The following TMEM108 variants were observed in gnomAD, a reference collection of about 807,000 sequenced individuals.
TMEM108 encodes the protein transmembrane protein 108, also known as cancer/testis antigen 124.
A neutral mutation model predicts 35.1 loss-of-function variants in TMEM108; 12 were observed. The observed-to-expected ratio is 0.34, with a 90% CI of 0.22 to 0.55. The LOEUF (loss-of-function observed/expected upper bound fraction) is 0.55. Among genes scored for constraint, TMEM108 ranks in the 20% least tolerant of loss-of-function variants. TMEM108 has a pLI of 0.89. For synonymous variants in TMEM108, 287 were observed against 308.6 expected (o/e 0.93, Z 0.73); for missense variants, 680 against 753.3 (o/e 0.90, Z 1.14).
At position 133,309,599 on chromosome 3, in the gene TMEM108, AC is replaced by A. The variant is rs376777420; in HGVS notation, c.41-70151del. 8.0e-3 allele frequency among the ~76,000 whole-genome samples: 1,075 copies of A among 133,776 alleles called. 15 individuals are homozygous for A. Among genetic ancestry groups the A allele is most frequent in the African/African-American group, 0.029 (1,026 of 35,344 alleles). 87.8% of individuals were successfully genotyped at this position (133,776 alleles called of 152,430 possible). A position where few individuals can be genotyped will look rare whatever the true frequency, so the allele number is the denominator to read the frequency against. ...TTGGTTTCAACCTTAATTTTTTTCT[AC>A]CTTAATTTTGTTATGTACCCAGTAG... is the stretch of plus-strand genomic sequence containing the variant. On this transcript the variant is annotated intron_variant, in intron 3 of 5. Coordinates refer to ENST00000321871, the MANE Select transcript of TMEM108 (RefSeq NM_023943.4).
chr3:133,268,596 T>A (rs4854707), intron 3 of TMEM108, among the ~76,000 whole-genome samples: 1 of 152,078 alleles, frequency 6.6e-6, no homozygotes, highest in Non-Finnish European at 1.5e-5. Flanking sequence ...GCTTTGGGCA[T>A]TCACAGCATC....
chr3:133,173,858 T>C (rs1048646587), intron 2 of TMEM108, among the ~76,000 whole-genome samples: 4 of 152,096 alleles, frequency 2.6e-5, no homozygotes, highest in Non-Finnish European at 5.9e-5. Context: ...GTGCACCAAG[T>C]GTGAGCCGAA....
At chr3:133,235,794 G>A (rs1459286647) in intron 3 of TMEM108, among the ~76,000 whole-genome samples, 2 of 152,118 alleles carry the variant, frequency 1.3e-5, no homozygotes, top group South Asian at 2.1e-4. Context: ...AAGGCAAGTG[G>A]GGCATTATTA....
At chr3:133,160,197 CAGTT>C (rs1944941574) in intron 2 of TMEM108, among the ~76,000 whole-genome samples, 1 of 152,184 alleles carries the variant, frequency 6.6e-6, no homozygotes, top group Non-Finnish European at 1.5e-5. Context: ...CACTCAGCCT[CAGTT>C]AAAGTCCCCA....
rs1306050869 is a variant in TMEM108, at chr3:133,353,735, TACAC to T, written c.41-26013_41-26010del. ...GGAGGAAGTAATCACTTCTTAAACT[TACAC>T]ACATAGAGGTGGTTTAGGAGCCTGC... On this transcript the variant is annotated intron_variant, in intron 3 of 5. Coordinates refer to ENST00000321871, the MANE Select transcript of TMEM108 (RefSeq NM_023943.4). Among the ~76,000 whole-genome samples, 5 of 152,320 alleles carry T rather than the reference TACAC, an allele frequency of 3.3e-5. No homozygotes were observed. In the East Asian group the frequency reaches 9.6e-4, roughly 29 times the overall value.
intron 2 of TMEM108, among the ~76,000 whole-genome samples, chr3:133,142,192 T>C (rs1944650999): frequency 6.6e-6 from 1 of 152,196 alleles, no homozygotes; most frequent in Non-Finnish European, 1.5e-5. Flanking sequence ...ACTTTGTCCT[T>C]AAGGAATTCA....
intron 3 of TMEM108, among the ~76,000 whole-genome samples, chr3:133,331,991 C>T (rs2071398948): frequency 6.6e-6 from 1 of 152,174 alleles, no homozygotes; most frequent in East Asian, 1.9e-4. Context: ...CCTTGAGTTT[C>T]TACAGCACAT....
intron 3 of TMEM108, among the ~76,000 whole-genome samples, chr3:133,351,102 A>G (rs2071982895): frequency 6.6e-6 from 1 of 152,190 alleles, no homozygotes; most frequent in Non-Finnish European, 1.5e-5. Context: ...AAAACAGTAC[A>G]AAAAGGCACC....
At chr3:133,249,917 A>T (rs951956475) in intron 3 of TMEM108, among the ~76,000 whole-genome samples, 7 of 152,176 alleles carry the variant, frequency 4.6e-5, no homozygotes, top group Non-Finnish European at 1.0e-4. Context: ...AAGAAAAGGA[A>T]ATTTCAGTTT....
intron 2 of TMEM108, among the ~76,000 whole-genome samples, chr3:133,190,727 G>A (rs1249916853): frequency 6.6e-6 from 1 of 152,152 alleles, no homozygotes; most frequent in African/African-American, 2.4e-5. Flanking sequence ...GCAGGTCAGG[G>A]GCTGGGTACA....
rs1225402929 is a variant in TMEM108 at position 133,397,332 on chromosome 3, C to T, written c.*1346C>T. 6.6e-6 allele frequency: 1 copy of T among 151,164 alleles called. No homozygotes were observed. The highest frequency in any genetic ancestry group is 1.9e-4 in the East Asian group (1 of 5,154). 9.4% of individuals were successfully genotyped at this position (151,164 alleles called of 1,614,324 possible). ...TGGGAATTGAACTTGAATATTGGGT[C>T]ATATGTTTGTGTTGTTGCTGTAGTC... On this transcript the variant is annotated 3_prime_UTR_variant, in exon 6 of 6. Transcript: ENST00000321871.
At chr3:133,306,829 C>T (rs993642154) in intron 3 of TMEM108, among the ~76,000 whole-genome samples, 11 of 151,302 alleles carry the variant, frequency 7.3e-5, no homozygotes, top group Non-Finnish European at 1.0e-4. Flanking sequence ...AGTAAACATA[C>T]GTGTGTGTGT....
intron 2 of TMEM108, among the ~76,000 whole-genome samples, chr3:133,146,365 C>G (rs1480675141): frequency 6.6e-6 from 1 of 152,106 alleles, no homozygotes; most frequent in Non-Finnish European, 1.5e-5. Context: ...ATTAGATTTG[C>G]CAGTATTTTA....
intron 2 of TMEM108, among the ~76,000 whole-genome samples, chr3:133,181,274 G>A (rs1253934259): frequency 6.6e-6 from 1 of 152,074 alleles, no homozygotes; most frequent in Non-Finnish European, 1.5e-5. Flanking sequence ...AAGAGCCTGA[G>A]TGGTCTTACC....
chr3:133,368,160 G>A (rs2072553948), intron 3 of TMEM108, among the ~76,000 whole-genome samples: 1 of 152,138 alleles, frequency 6.6e-6, no homozygotes, highest in Non-Finnish European at 1.5e-5. Flanking sequence ...GCAAGCTCTG[G>A]GGATTCAGTG....
intron 2 of TMEM108, among the ~76,000 whole-genome samples, chr3:133,046,297 G>T (rs1943339505): frequency 6.6e-6 from 1 of 152,306 alleles, no homozygotes; most frequent in Admixed American, 6.5e-5. Flanking sequence ...GGGAGGGGCT[G>T]TTGAGCCCTC....
chr3:133,238,130 T>C (rs945838413), intron 3 of TMEM108, among the ~76,000 whole-genome samples: 37 of 145,708 alleles, frequency 2.5e-4, no homozygotes, highest in African/African-American at 8.9e-4. Flanking sequence ...CTCACACACA[T>C]ACACCACACA....
At chr3:133,292,446 CT>C (rs779950490) in intron 3 of TMEM108, among the ~76,000 whole-genome samples, 1 of 152,210 alleles carries the variant, frequency 6.6e-6, no homozygotes, top group African/African-American at 2.4e-5. Flanking sequence ...TCAGGCTCTC[CT>C]TTGATCCTAC....
intron 2 of TMEM108, among the ~76,000 whole-genome samples, chr3:133,110,678 G>A (rs1179416680): frequency 6.6e-6 from 1 of 152,170 alleles, no homozygotes; most frequent in Non-Finnish European, 1.5e-5. Context: ...AACTAAATCA[G>A]ACATTTTCTA....
Sources: gnomAD v4.1 joint callset for allele counts (sites outside exome capture counted in the v4.1 genomes callset) on GRCh38, gnomAD v4.1.1 for gene constraint, MANE v1.5 for transcripts, NCBI Gene and HGNC (gene_info 2026-07-23, HGNC 2026-07-21) for gene names.